The following PRSS54 variants were observed in gnomAD, a reference collection of about 807,000 sequenced individuals.
The protein encoded by PRSS54 is inactive serine protease 54.
A neutral mutation model predicts 19.9 loss-of-function variants in PRSS54; 16 were observed. That is an observed-to-expected ratio of 0.80 (90% CI 0.54 to 1.22). The LOEUF is 1.22. Among genes scored for constraint, PRSS54 ranks in the 50% most tolerant of loss-of-function variants. The pLI, the probability that PRSS54 is intolerant of heterozygous loss-of-function variation, is 0.00. For missense variants in PRSS54, 444 were observed against 494.8 expected, an observed-to-expected ratio of 0.90 and a Z score of 0.97; for synonymous variants, 177 against 195.8, an observed-to-expected ratio of 0.90 and a Z score of 0.80.
chr16:58,280,380 G>A lies in PRSS54; in HGVS notation c.1032C>T (p.Gly344=), dbSNP rs1334811225. The part of the protein sequence containing the change: ...DVREKDVKES[G]RSPEASVQPL... The stretch of plus-strand genomic sequence containing the variant: ...GTTGTACAGACGCCTCAGGAGACCT[G>A]CCTGATTCCTTTACATCCTTCTCCC... Residue 344 remains glycine (G), a synonymous_variant, in exon 7 of 7, where the codon GGC becomes GGT. Transcript: ENST00000567164. 6.2e-7 allele frequency: 1 copy of A among 1,614,140 alleles called. No homozygotes were observed. The highest frequency in any genetic ancestry group is 1.1e-5 in the South Asian group (1 of 91,066).
At chr16:58,288,790 G>A (rs1026457745) in intron 4 of PRSS54, among the ~76,000 whole-genome samples, 2 of 152,194 alleles carry the variant, frequency 1.3e-5, no homozygotes, top group South Asian at 2.1e-4. Flanking sequence ...TTCCATAACA[G>A]GTTATGGTGC....
intron 3 of PRSS54, among the ~76,000 whole-genome samples, chr16:58,292,603 G>T (rs1176175789): frequency 1.3e-5 from 2 of 152,174 alleles, no homozygotes; most frequent in African/African-American, 2.4e-5. Context: ...GACACTTGAT[G>T]ACTTTGCTGG....
At chr16:58,286,996 A>G (rs1213719490) in intron 4 of PRSS54, among the ~76,000 whole-genome samples, 1 of 152,244 alleles carries the variant, frequency 6.6e-6, no homozygotes, top group Non-Finnish European at 1.5e-5. Context: ...ATTGAGAAAT[A>G]TGACCAAAAT....
intron 4 of PRSS54, among the ~76,000 whole-genome samples, chr16:58,289,090 TG>T (rs1567515879): frequency 6.6e-6 from 1 of 152,188 alleles, no homozygotes; most frequent in African/African-American, 2.4e-5. Flanking sequence ...GGTATAAGGC[TG>T]GGGCTGTAAT....
At chr16:58,291,357 G>A (rs1263659099) in intron 3 of PRSS54, among the ~76,000 whole-genome samples, 1 of 152,174 alleles carries the variant, frequency 6.6e-6, no homozygotes, top group Non-Finnish European at 1.5e-5. Context: ...AACACATAAC[G>A]GTACACATTG....
chr16:58,284,556 T>C (rs763755324), intron 6 of PRSS54, 34 bp downstream of exon 6: 2 of 1,612,936 alleles, frequency 1.2e-6, no homozygotes, highest in East Asian at 4.5e-5. Flanking sequence ...AGGCTTACTC[T>C]CAACACTTAG....
Position 58,280,225 on chromosome 16 carries a change from T to C in PRSS54, c.1187A>G (p.Ter396TrpextTer29). ...FVLVFFCSSI[*>W] Reference sequence around the variant, plus strand: ...CAGTTTGGTGGGGTAGCTCCTGGACTAGATACTGCTGCAAAAGAAAACAAG... The same window carrying C: ...CAGTTTGGTGGGGTAGCTCCTGGACCAGATACTGCTGCAAAAGAAAACAAG... The change falls in exon 7 of 7, where the codon TAG becomes TGG. Residue 396 changes from the stop codon to tryptophan (W), a stop_lost. Transcript: ENST00000567164. The C allele has an allele frequency of 2.5e-6, 4 of 1,607,408 alleles. No individual in the cohort carries two copies. Among genetic ancestry groups the C allele is most frequent in the Non-Finnish European group, 3.4e-6 (4 of 1,176,784 alleles).
chr16:58,281,959 C>T (rs1277308647), intron 6 of PRSS54: 1 of 152,236 alleles, frequency 6.6e-6, no homozygotes, highest in Non-Finnish European at 1.5e-5. Context: ...TCTCCCACCT[C>T]AGCCTCTCGA....
chr16:58,289,688 C>T (rs933255886), intron 4 of PRSS54, among the ~76,000 whole-genome samples: 3 of 151,840 alleles, frequency 2.0e-5, no homozygotes, highest in African/African-American at 2.4e-5. Context: ...TCTCCTATCT[C>T]GGCCTTCCGA....
In PRSS54 at chr16:58,286,189, G is replaced by T; in HGVS notation, c.270C>A (p.Asp90Glu). The T allele has an allele frequency of 1.2e-6, 2 of 1,614,066 alleles. No individual in the cohort carries two copies. The highest frequency in any genetic ancestry group is 2.2e-5 in the South Asian group (2 of 91,064). Residue 90 changes from aspartate (D) to glutamate (E), a missense_variant, in exon 5 of 7, where the codon GAC becomes GAA. Asp to Glu is a conservative substitution (Grantham distance 45). Transcript: ENST00000567164. ...SIASAIQNRK[D>E]IVVIVGISNM... ...TACTTATACCCACTATAACGACAAT[G>T]TCCTTCCTGGAGAGAGAGCAAGGGA...
At chr16:58,283,019 C>A (rs1964817185) in intron 6 of PRSS54, 1 of 152,212 alleles carries the variant, frequency 6.6e-6, no homozygotes, top group South Asian at 2.1e-4. Flanking sequence ...TCCAGGTGCC[C>A]CTCTGGAGCT....
At chr16:58,293,039 GTGTA>G (rs1446640193) in intron 3 of PRSS54, among the ~76,000 whole-genome samples, 83 of 152,076 alleles carry the variant, frequency 5.5e-4, no homozygotes, top group Admixed American at 5.2e-3. Context: ...ATGTGTGTGC[GTGTA>G]TGTGTGTGCA....
At chr16:58,291,997 C>T (rs932301659) in intron 3 of PRSS54, among the ~76,000 whole-genome samples, 1 of 151,996 alleles carries the variant, frequency 6.6e-6, no homozygotes, top group Non-Finnish European at 1.5e-5. Flanking sequence ...GGTGCAATCT[C>T]GGCTCACTGC....
In PRSS54 at chr16:58,290,206, A is replaced by C. The variant is rs144896660; in HGVS notation, c.263+753T>G. On this transcript the variant is annotated intron_variant, in intron 4 of 6. Coordinates refer to ENST00000567164, the MANE Select transcript of PRSS54 (RefSeq NM_001305173.2). ...TATGTATAGCATGTATATATATGAAAAATTATAATTTCATCCCGATAGTGG... is the reference window on the plus strand; with the variant it reads ...TATGTATAGCATGTATATATATGAACAATTATAATTTCATCCCGATAGTGG... 5.9e-3 allele frequency among the ~76,000 whole-genome samples: 886 copies of C among 150,872 alleles called. 11 individuals are homozygous for C. The highest frequency in any genetic ancestry group is 0.054 in the East Asian group (279 of 5,156).
chr16:58,293,889 T>C, intron 2 of PRSS54, 67 bp from the exon 3 acceptor site: 2 of 1,302,560 alleles, frequency 1.5e-6, no homozygotes, highest in Non-Finnish European at 2.2e-6. Flanking sequence ...TATGCCTCTT[T>C]TTTCCATCCT....
intron 3 of PRSS54, among the ~76,000 whole-genome samples, chr16:58,292,608 T>C (rs1296322722): frequency 6.6e-6 from 1 of 152,226 alleles, no homozygotes; most frequent in African/African-American, 2.4e-5. Context: ...TTGATGACTT[T>C]GCTGGAACAA....
At chr16:58,283,868 T>C (rs1324067055) in intron 6 of PRSS54, 1 of 152,184 alleles carries the variant, frequency 6.6e-6, no homozygotes, top group Non-Finnish European at 1.5e-5. Context: ...TTCCCCTTGC[T>C]CTAAAAATCC....
intron 4 of PRSS54, among the ~76,000 whole-genome samples, chr16:58,288,917 C>T (rs1964976595): frequency 6.6e-6 from 1 of 152,162 alleles, no homozygotes; most frequent in African/African-American, 2.4e-5. Context: ...CTACCAGTTG[C>T]ATTGTGGGTG....
At chr16:58,288,169 TA>T (rs376507191) in intron 4 of PRSS54, among the ~76,000 whole-genome samples, 42 of 152,356 alleles carry the variant, frequency 2.8e-4, no homozygotes, top group African/African-American at 9.4e-4. Flanking sequence ...CTCATGTCTA[TA>T]ATCCCAGCAC....
Sources: allele counts gnomAD v4.1 joint callset (sites outside exome capture counted in the v4.1 genomes callset), GRCh38; gene constraint gnomAD v4.1.1; transcripts MANE v1.5; gene names NCBI Gene and HGNC (gene_info 2026-07-23, HGNC 2026-07-21).